Variants in ELMO1 observed in about 807,000 individuals in gnomAD.
ELMO1 encodes the protein engulfment and cell motility protein 1.
Under a neutral mutation model 98.9 loss-of-function variants are expected in ELMO1, and 26 were observed. The ratio of observed to expected loss-of-function variants is 0.26; its 90% CI spans 0.19 to 0.36. The LOEUF is 0.36. Among genes scored for constraint, ELMO1 ranks in the 10% least tolerant of loss-of-function variants. ELMO1 has a pLI of 1.00. For synonymous variants in ELMO1, 346 were observed against 346.0 expected (o/e 1.00, Z 0.00); for missense variants, 627 against 935.2 (o/e 0.67, Z 4.30).
chr7:36,867,817 G>C (rs951869139), intron 20 of ELMO1, among the ~76,000 whole-genome samples: 3 of 152,076 alleles, frequency 2.0e-5, no homozygotes, highest in Non-Finnish European at 4.4e-5. Flanking sequence ...GGATTTTCCA[G>C]CTGTCTTTCT....
chr7:36,919,199 G>T (rs944559790), intron 16 of ELMO1, among the ~76,000 whole-genome samples: 1 of 152,210 alleles, frequency 6.6e-6, no homozygotes, highest in African/African-American at 2.4e-5. Flanking sequence ...ATGTAACTCT[G>T]TTGAATGTCA....
At chr7:36,996,617 T>C (rs1792233442) in intron 16 of ELMO1, among the ~76,000 whole-genome samples, 1 of 152,150 alleles carries the variant, frequency 6.6e-6, no homozygotes, top group Non-Finnish European at 1.5e-5. Context: ...GATAATTGGC[T>C]AAAATAAGTT....
At chr7:37,224,242 T>C (rs1347201321) in intron 9 of ELMO1, among the ~76,000 whole-genome samples, 2 of 152,182 alleles carry the variant, frequency 1.3e-5, no homozygotes, top group East Asian at 3.9e-4. Flanking sequence ...CCTTCTCAGG[T>C]TGGTATTGTC....
At chr7:37,232,441 T>C (rs1168666208) in intron 8 of ELMO1, among the ~76,000 whole-genome samples, 2 of 152,238 alleles carry the variant, frequency 1.3e-5, no homozygotes, top group African/African-American at 4.8e-5. Flanking sequence ...GACTGTTTAT[T>C]TTTAGTCAGA....
At chr7:37,229,530 T>C (rs1256751522) in intron 8 of ELMO1, among the ~76,000 whole-genome samples, 1 of 152,188 alleles carries the variant, frequency 6.6e-6, no homozygotes, top group Admixed American at 6.5e-5. Flanking sequence ...CAAAGTGGTA[T>C]GAATTTGGCA....
rs1170090990 is a variant in ELMO1, at chr7:36,855,949, T to C, written c.1984-198A>G. Reference sequence around the variant, plus strand: ...ATCTCTGTTTTATAGGTGAAGGAACTGAGGTACAGAGAAGTGACTCAGTAT... The same window carrying C: ...ATCTCTGTTTTATAGGTGAAGGAACCGAGGTACAGAGAAGTGACTCAGTAT... On this transcript the variant is annotated intron_variant, in intron 21 of 21. Coordinates refer to ENST00000310758, the MANE Select transcript of ELMO1 (RefSeq NM_014800.11). This position sits in a 1 kb window ranked among gnomAD's most constrained non-coding sequence, Gnocchi z 4.2. Among the ~76,000 whole-genome samples, 1 of 152,234 alleles carries C rather than the reference T, an allele frequency of 6.6e-6. No individual in the cohort carries two copies. The highest frequency in any genetic ancestry group is 1.5e-5 in the Non-Finnish European group (1 of 68,042).
intron 1 of ELMO1, chr7:37,353,651 C>G (rs1213069073): frequency 6.6e-6 from 1 of 152,182 alleles, no homozygotes; most frequent in African/African-American, 2.4e-5. Context: ...GCTACTGGCT[C>G]AGGTGACCTG....
intron 13 of ELMO1, among the ~76,000 whole-genome samples, chr7:37,186,942 A>C (rs898744847): frequency 2.6e-5 from 4 of 152,226 alleles, no homozygotes; most frequent in African/African-American, 9.6e-5. Flanking sequence ...TGATACAATC[A>C]GTGTGCTTTT....
At chr7:37,438,781 T>C (rs1397916042) in intron 1 of ELMO1, among the ~76,000 whole-genome samples, 1 of 152,172 alleles carries the variant, frequency 6.6e-6, no homozygotes, top group Admixed American at 6.5e-5. Context: ...CTAAGGAAGA[T>C]CACTAACTTA....
At chr7:37,438,077 C>T (rs1460667136) in intron 1 of ELMO1, among the ~76,000 whole-genome samples, 1 of 152,108 alleles carries the variant, frequency 6.6e-6, no homozygotes, top group African/African-American at 2.4e-5. Context: ...TTCCTCCTGT[C>T]TGACTGAAAC....
intron 5 of ELMO1, among the ~76,000 whole-genome samples, chr7:37,265,676 A>ACTACTC (rs1187823707): frequency 2.6e-5 from 4 of 152,016 alleles, no homozygotes; most frequent in African/African-American, 9.7e-5. Context: ...ACACCTAAGT[A>ACTACTC]CTACTCCCTC....
intron 13 of ELMO1, among the ~76,000 whole-genome samples, chr7:37,184,964 T>C (rs1463622255): frequency 2.0e-5 from 3 of 152,234 alleles, no homozygotes; most frequent in African/African-American, 7.2e-5. Context: ...TTCTACATAT[T>C]TGACTAATCT....
At chr7:36,977,212 G>T (rs868732400) in intron 16 of ELMO1, among the ~76,000 whole-genome samples, 2 of 152,186 alleles carry the variant, frequency 1.3e-5, no homozygotes, top group Non-Finnish European at 2.9e-5. Context: ...CTTGTTGCTT[G>T]ACAGAGCATG....
chr7:37,135,797 T>C (rs1012104989), intron 13 of ELMO1, among the ~76,000 whole-genome samples: 23 of 152,182 alleles, frequency 1.5e-4, no homozygotes, highest in African/African-American at 5.3e-4. Context: ...AAAACAATTC[T>C]GGTAATATGA....
intron 16 of ELMO1, among the ~76,000 whole-genome samples, chr7:36,968,459 T>C (rs1316795505): frequency 1.3e-5 from 2 of 152,242 alleles, no homozygotes; most frequent in Non-Finnish European, 2.9e-5. Flanking sequence ...AATATATTAT[T>C]CACAGATAGC....
chr7:37,029,302 T>C (rs553465873), intron 15 of ELMO1, among the ~76,000 whole-genome samples: 42 of 152,044 alleles, frequency 2.8e-4, no homozygotes, highest in Non-Finnish European at 5.7e-4. Context: ...CACATACATA[T>C]CAAAGATTAC....
chr7:36,956,023 T>G (rs1450514931), intron 16 of ELMO1, among the ~76,000 whole-genome samples: 2 of 152,230 alleles, frequency 1.3e-5, no homozygotes, highest in African/African-American at 2.4e-5. Flanking sequence ...CTTTTTCATG[T>G]TTAGATCTCT....
intron 4 of ELMO1, among the ~76,000 whole-genome samples, chr7:37,272,831 A>C (rs183025259): frequency 6.6e-6 from 1 of 152,206 alleles, no homozygotes; most frequent in Non-Finnish European, 1.5e-5. Context: ...AAATAAATAG[A>C]ATCAGCCATT....
intron 5 of ELMO1, among the ~76,000 whole-genome samples, chr7:37,261,893 C>T (rs1425450521): frequency 3.3e-5 from 5 of 152,200 alleles, no homozygotes; most frequent in East Asian, 1.9e-4. Flanking sequence ...TGAGCCACCA[C>T]GCCCAGCTGA....
Sources: allele counts gnomAD v4.1 joint callset (sites outside exome capture counted in the v4.1 genomes callset), GRCh38; gene constraint gnomAD v4.1.1; non-coding constraint Gnocchi (gnomAD v3.1); transcripts MANE v1.5; gene names NCBI Gene and HGNC (gene_info 2026-07-23, HGNC 2026-07-21).